The following BCAS3 variants were observed in gnomAD, a reference collection of about 807,000 sequenced individuals.
BCAS3 encodes the protein BCAS4/BCAS3 fusion.
A neutral mutation model predicts 116.1 loss-of-function variants in BCAS3; 53 were observed. The observed-to-expected ratio is 0.46, with a 90% confidence interval of 0.37 to 0.57. BCAS3 has a LOEUF of 0.57. Ranked by LOEUF, BCAS3 falls within the 20% of genes least tolerant of loss-of-function variation. The pLI is 0.00. For synonymous variants in BCAS3, 391 were observed against 408.2 expected (o/e 0.96, Z 0.51); for missense variants, 917 against 1,165.4 (o/e 0.79, Z 3.10).
At position 61,046,036 on chromosome 17, in the gene BCAS3, T is replaced by A. The variant is rs868535283; in HGVS notation, c.2029+5144T>A. Among the ~76,000 whole-genome samples the A allele has an allele frequency of 3.2e-3, 40 of 12,468 alleles. 1 individual carries two copies. Among genetic ancestry groups the A allele is most frequent in the South Asian group, 8.8e-3 (4 of 452 alleles). The allele number at this position is 12,468 out of a possible 152,430, so 8.2% of individuals were successfully genotyped here. On this transcript the variant is annotated intron_variant, in intron 19 of 23. Transcript: ENST00000407086. ...TTTATATATATATTATATATATATT[T>A]ATATATATATAATATATATATTATA... is the stretch of plus-strand genomic sequence containing the variant.
intron 5 of BCAS3, among the ~76,000 whole-genome samples, chr17:60,737,629 C>T (rs1212278229): frequency 6.6e-6 from 1 of 151,928 alleles, no homozygotes; most frequent in African/African-American, 2.4e-5. Flanking sequence ...TTAAACATTT[C>T]TCTGGAGCTT....
intron 16 of BCAS3, among the ~76,000 whole-genome samples, chr17:61,022,688 C>T (rs2065962971): frequency 6.6e-6 from 1 of 152,146 alleles, no homozygotes; most frequent in Non-Finnish European, 1.5e-5. Flanking sequence ...CACCCAGGCT[C>T]AAGTGCAGTA....
chr17:61,320,477 C>T (rs898472263), intron 22 of BCAS3, among the ~76,000 whole-genome samples: 1 of 151,884 alleles, frequency 6.6e-6, no homozygotes, highest in Non-Finnish European at 1.5e-5. Flanking sequence ...GTCAGGAGAT[C>T]GAGACCATCC....
intron 22 of BCAS3, among the ~76,000 whole-genome samples, chr17:61,351,278 T>G (rs763276908): frequency 4.6e-5 from 7 of 152,182 alleles, no homozygotes; most frequent in Non-Finnish European, 1.0e-4. Context: ...GACTTCCCAT[T>G]TCCAGTTTAG....
intron 12 of BCAS3, among the ~76,000 whole-genome samples, chr17:60,919,388 C>T (rs924596892): frequency 6.6e-6 from 1 of 151,964 alleles, no homozygotes; most frequent in South Asian, 2.1e-4. Flanking sequence ...TGCAGTGGTG[C>T]GATCTCAGTT....
chr17:61,011,168 A>G (rs1228119559), intron 15 of BCAS3, among the ~76,000 whole-genome samples: 4 of 152,106 alleles, frequency 2.6e-5, no homozygotes. Context: ...AGAAGAGTAT[A>G]GTAAAGAAAG....
chr17:61,043,754 G>C (rs2067744987), intron 19 of BCAS3, among the ~76,000 whole-genome samples: 2 of 151,948 alleles, frequency 1.3e-5, no homozygotes, highest in Non-Finnish European at 2.9e-5. Context: ...TATAGGCTCT[G>C]TCCACCCACA....
At chr17:61,320,708 A>G (rs1002680528) in intron 22 of BCAS3, among the ~76,000 whole-genome samples, 1 of 152,010 alleles carries the variant, frequency 6.6e-6, no homozygotes, top group African/African-American at 2.4e-5. Context: ...TTCAACTACA[A>G]ATTTTCTCAG....
intron 7 of BCAS3, among the ~76,000 whole-genome samples, chr17:60,813,188 A>G (rs922872756): frequency 6.6e-6 from 1 of 152,066 alleles, no homozygotes. Flanking sequence ...GCATTCCTCT[A>G]TACATACACA....
At chr17:61,110,530 C>T (rs112338390) in intron 22 of BCAS3, among the ~76,000 whole-genome samples, 16 of 152,348 alleles carry the variant, frequency 1.1e-4, no homozygotes, top group African/African-American at 2.4e-4. Context: ...TTGCGCTTTT[C>T]GGACCGGCTT....
intron 12 of BCAS3, among the ~76,000 whole-genome samples, chr17:60,914,944 G>T (rs1167295592): frequency 6.6e-6 from 1 of 152,098 alleles, no homozygotes; most frequent in Non-Finnish European, 1.5e-5. Context: ...TGTGCAGGGG[G>T]TCAGCACTTG....
chr17:60,772,308 G>T (rs1326294037), intron 6 of BCAS3, among the ~76,000 whole-genome samples: 1 of 151,966 alleles, frequency 6.6e-6, no homozygotes, highest in Admixed American at 6.6e-5. Flanking sequence ...GATGGCCAGT[G>T]ATGATGAGCA....
At chr17:61,240,328 ATTC>A (rs2047400399) in intron 22 of BCAS3, among the ~76,000 whole-genome samples, 1 of 152,202 alleles carries the variant, frequency 6.6e-6, no homozygotes, top group African/African-American at 2.4e-5. Flanking sequence ...CAAGGTCCAT[ATTC>A]TTTTCACTAT....
rs1187645475 is a variant in BCAS3 at position 61,098,272 on chromosome 17, T to A, written c.2425+13708T>A. Among the ~76,000 whole-genome samples, 1 of 152,132 alleles carries A rather than the reference T, an allele frequency of 6.6e-6. No individual in the cohort carries two copies. Among genetic ancestry groups the A allele is most frequent in the Non-Finnish European group, 1.5e-5 (1 of 68,012 alleles). The stretch of plus-strand genomic sequence containing the variant: ...ATATATTCAGAACATTGGGACTGAG[T>A]TGTGCATGGAGAGGAGAAAAATAGA... On this transcript the variant is annotated intron_variant, in intron 22 of 23. Transcript: ENST00000407086. The surrounding 1 kb of genome is among the most constrained non-coding windows in gnomAD (Gnocchi z 4.2).
rs892562454 is a variant in BCAS3 at position 61,140,625 on chromosome 17, CCAT to C, written c.2425+56063_2425+56065del. Among the ~76,000 whole-genome samples, 1 of 151,484 alleles carries C rather than the reference CCAT, an allele frequency of 6.6e-6. No individual in the cohort carries two copies. The highest frequency in any genetic ancestry group is 2.4e-5 in the African/African-American group (1 of 41,306). ...GGAGAAACAGCACTCTGGCATTTGG[CCAT>C]CTTAGTATGGCCTTTATATAACTTT... is the stretch of plus-strand genomic sequence containing the variant. On this transcript the variant is annotated intron_variant, in intron 22 of 23. Coordinates refer to ENST00000407086, the MANE Select transcript of BCAS3 (RefSeq NM_017679.5). The surrounding 1 kb of genome is among the most constrained non-coding windows in gnomAD (Gnocchi z 4.2).
At position 61,364,948 on chromosome 17, in the gene BCAS3, A is replaced by G. The variant is rs959455481; in HGVS notation, c.2426-3379A>G. Among the ~76,000 whole-genome samples the G allele has an allele frequency of 2.0e-5, 3 of 152,230 alleles. No individual in the cohort carries two copies. Among genetic ancestry groups the G allele is most frequent in the African/African-American group, 7.2e-5 (3 of 41,464 alleles). On this transcript the variant is annotated intron_variant, in intron 22 of 23. Coordinates refer to ENST00000407086, the MANE Select transcript of BCAS3 (RefSeq NM_017679.5). This position sits in a 1 kb window ranked among gnomAD's most constrained non-coding sequence, Gnocchi z 5.4. The stretch of plus-strand genomic sequence containing the variant: ...TAGTCAGAATTTATGATGATGCCCC[A>G]AGTGGTATAAAGGCATACATATTTG...
In BCAS3 at chr17:60,841,546, AT is replaced by A. The variant is rs754447784; in HGVS notation, c.477-27011del. Among the ~76,000 whole-genome samples the A allele has an allele frequency of 8.2e-3, 1,013 of 123,456 alleles. 7 individuals carry two copies. Among genetic ancestry groups the A allele is most frequent in the African/African-American group, 0.016 (472 of 28,712 alleles). The allele number at this position is 123,456 out of a possible 152,430, so 81.0% of individuals were successfully genotyped here. ...AGGTGCCCGCCACCACACCTGGCTA[AT>A]TTTTTTTTTTTTTTTTTTGTATTTT... On this transcript the variant is annotated intron_variant, in intron 7 of 23. Transcript: ENST00000407086.
In BCAS3 at chr17:60,749,473, T is replaced by C. The variant is rs150236999; in HGVS notation, c.403+2194T>C. ...CCGTTTTAATTTGGAAATGCAAGTC[T>C]GGTATTTTGATGAAATGGCTTCAAT... On this transcript the variant is annotated intron_variant, in intron 6 of 23. Transcript: ENST00000407086. Among the ~76,000 whole-genome samples the C allele has an allele frequency of 4.9e-3, 754 of 152,360 alleles. 6 individuals carry two copies. The highest frequency in any genetic ancestry group is 0.017 in the East Asian group (87 of 5,192).
rs559095420 is a variant in BCAS3, at chr17:60,787,917, C to T, written c.404-20087C>T. Among the ~76,000 whole-genome samples the T allele has an allele frequency of 7.2e-3, 1,005 of 139,860 alleles. 7 individuals carry two copies. The highest frequency in any genetic ancestry group is 0.011 in the Non-Finnish European group (678 of 63,958). 91.8% of individuals were successfully genotyped at this position (139,860 alleles called of 152,430 possible). On this transcript the variant is annotated intron_variant, in intron 6 of 23. Coordinates refer to ENST00000407086, the MANE Select transcript of BCAS3 (RefSeq NM_017679.5). ...CAGGAGTCAAGGACATGAATAGTAC[C>T]TTTTTTTTTTTTTAACTAGAAAAGT...
Sources: allele counts gnomAD v4.1 joint callset (sites outside exome capture counted in the v4.1 genomes callset), GRCh38; gene constraint gnomAD v4.1.1; non-coding constraint Gnocchi (gnomAD v3.1); transcripts MANE v1.5; gene names NCBI Gene and HGNC (gene_info 2026-07-23, HGNC 2026-07-21).